LPXN: variants seen among roughly 807,000 people sequenced by gnomAD.
The protein encoded by LPXN is leupaxin.
In LPXN, 28 loss-of-function variants were observed where a neutral mutation model predicts 45.6. The ratio of observed to expected loss-of-function variants is 0.61; its 90% CI spans 0.45 to 0.84. The LOEUF is 0.84. Among genes scored for constraint, LPXN ranks in the 40% least tolerant of loss-of-function variants. The pLI is 0.00. For synonymous variants in LPXN, 166 were observed against 169.9 expected (o/e 0.98, Z 0.18); for missense variants, 459 against 475.0 (o/e 0.97, Z 0.31).
intron 4 of LPXN, 50 bp downstream of exon 4, chr11:58,554,791 C>T: frequency 2.1e-6 from 3 of 1,456,896 alleles, no homozygotes; most frequent in Non-Finnish European, 2.8e-6. Context: ...CCCTGTTTAT[C>T]ATCTGGACTG....
At chr11:58,550,993 G>A (rs953244861) in intron 5 of LPXN, 72 bp downstream of exon 5, 7 of 1,370,736 alleles carry the variant, frequency 5.1e-6, no homozygotes, top group Admixed American at 5.4e-5. Flanking sequence ...AAATATAAGG[G>A]GAAAGAGCAA....
At chr11:58,545,878 G>A (rs1387428491) in intron 7 of LPXN, among the ~76,000 whole-genome samples, 2 of 152,130 alleles carry the variant, frequency 1.3e-5, no homozygotes, top group East Asian at 1.9e-4. Context: ...TAGGTAAAAT[G>A]TTGAATAAAC....
At chr11:58,530,961 G>T (rs1328846790) in intron 7 of LPXN, among the ~76,000 whole-genome samples, 1 of 152,228 alleles carries the variant, frequency 6.6e-6, no homozygotes, top group African/African-American at 2.4e-5. Flanking sequence ...TAGCAGAGGA[G>T]CCTGACTGTT....
intron 7 of LPXN, among the ~76,000 whole-genome samples, chr11:58,538,950 A>C (rs1853634200): frequency 1.3e-5 from 2 of 152,140 alleles, no homozygotes; most frequent in Admixed American, 6.6e-5. Flanking sequence ...CTGTATCATT[A>C]TACTATATCA....
At chr11:58,576,168 T>C (rs1397794856), upstream of LPXN, among the ~76,000 whole-genome samples, 1 of 151,350 alleles carries the variant, frequency 6.6e-6, no homozygotes, top group Non-Finnish European at 1.5e-5. Context: ...TCTGAGCATC[T>C]TTCTTTTTTC....
At chr11:58,540,253 CAAAT>C (rs1853675202) in intron 7 of LPXN, among the ~76,000 whole-genome samples, 3 of 151,916 alleles carry the variant, frequency 2.0e-5, no homozygotes, top group Admixed American at 6.6e-5. Context: ...GATTCATTAA[CAAAT>C]AAATAGTATA....
intron 4 of LPXN, among the ~76,000 whole-genome samples, chr11:58,553,319 G>A (rs551094936): frequency 1.2e-3 from 151 of 126,354 alleles, no homozygotes; most frequent in African/African-American, 3.9e-3. Context: ...CTGGGTAACC[G>A]AGTAAGAATC....
At chr11:58,554,716 G>C (rs1854150740) in intron 4 of LPXN, 125 bp downstream of exon 4, 1 of 624,114 alleles carries the variant, frequency 1.6e-6, no homozygotes, top group Admixed American at 3.4e-5. Flanking sequence ...TGACAACTTA[G>C]GAAAATTCCT....
intron 7 of LPXN, among the ~76,000 whole-genome samples, chr11:58,534,695 A>T (rs923799796): frequency 6.6e-6 from 1 of 152,216 alleles, no homozygotes; most frequent in Non-Finnish European, 1.5e-5. Flanking sequence ...AAGGAGATAG[A>T]GAATGAAAAA....
At chr11:58,537,578 G>A (rs1565186875) in intron 7 of LPXN, among the ~76,000 whole-genome samples, 1 of 151,902 alleles carries the variant, frequency 6.6e-6, no homozygotes, top group Non-Finnish European at 1.5e-5. Context: ...GTTGATGGGT[G>A]CAGCAAACCA....
intron 3 of LPXN, among the ~76,000 whole-genome samples, chr11:58,560,130 T>C (rs1854329147): frequency 6.6e-6 from 1 of 152,214 alleles, no homozygotes; most frequent in African/African-American, 2.4e-5. Flanking sequence ...TTAAGTTATA[T>C]TTTTAAAACA....
rs1410842310 is a variant in LPXN, at chr11:58,528,211, A to G, written c.743-20T>C. 6.2e-7 allele frequency: 1 copy of G among 1,610,614 alleles called. No homozygotes were observed. The highest frequency in any genetic ancestry group is 2.2e-5 in the East Asian group (1 of 44,788). ...GAAAGCCTGGAGAGATAAAATCAGG[A>G]ATTCACTGTTGCAGGTTGAGCCCTG... is the stretch of plus-strand genomic sequence containing the variant. On this transcript the variant is annotated intron_variant, in intron 7 of 8. Transcript: ENST00000395074.
intron 3 of LPXN, among the ~76,000 whole-genome samples, chr11:58,558,188 A>T (rs1452233061): frequency 6.6e-6 from 1 of 151,546 alleles, no homozygotes; most frequent in African/African-American, 2.4e-5. Context: ...AGGAGGGAAG[A>T]TTTGTCTTGA....
At chr11:58,550,228 C>T (rs1375510284) in intron 5 of LPXN, 82 bp from the exon 6 acceptor site, 1 of 1,302,232 alleles carries the variant, frequency 7.7e-7, no homozygotes, top group African/African-American at 1.5e-5. Flanking sequence ...AGGGAGCACT[C>T]TTCACATTGT....
chr11:58,574,729 A>G (rs1043916774), intron 1 of LPXN, among the ~76,000 whole-genome samples: 3 of 152,132 alleles, frequency 2.0e-5, no homozygotes, highest in African/African-American at 7.2e-5. Context: ...TTTACCTCCA[A>G]AGCAGTTTGA....
chr11:58,528,175 G>C lies in LPXN; in HGVS notation c.759C>G (p.Asp253Glu), dbSNP rs200930172. The C allele has an allele frequency of 6.2e-7, 1 of 1,614,182 alleles. No homozygotes were observed. Among genetic ancestry groups the C allele is most frequent in the Non-Finnish European group, 8.5e-7 (1 of 1,180,028 alleles). The change falls in exon 8 of 9, where the codon GAC becomes GAG. Residue 253 changes from aspartate to glutamate, a missense_variant. By Grantham distance (45) the Asp-to-Glu change is conservative. Transcript: ENST00000395074. ...VFGAEGFHEK[D>E]KKPYCRKDFL... ...AATCCTTTCGGCAATATGGCTTCTT[G>C]TCCTTCTCATGAAAGCCTGGAGAGA...
chr11:58,569,252 T>C (rs1854609659), intron 2 of LPXN, among the ~76,000 whole-genome samples: 1 of 152,214 alleles, frequency 6.6e-6, no homozygotes, highest in Non-Finnish European at 1.5e-5. Context: ...CTAATTCCAT[T>C]CTCATCAAGC....
intron 2 of LPXN, among the ~76,000 whole-genome samples, chr11:58,570,194 T>C (rs1854644134): frequency 6.6e-6 from 1 of 151,690 alleles, no homozygotes; most frequent in South Asian, 2.1e-4. Flanking sequence ...TCCTAGCTAT[T>C]TGGGAGGCTG....
intron 1 of LPXN, 28 bp downstream of exon 1, chr11:58,575,732 A>C: frequency 6.2e-7 from 1 of 1,613,938 alleles, no homozygotes; most frequent in East Asian, 2.2e-5. Flanking sequence ...TCACTCCCTC[A>C]GAGTTTCTCC....
Sources: allele counts gnomAD v4.1 joint callset (sites outside exome capture counted in the v4.1 genomes callset), GRCh38; gene constraint gnomAD v4.1.1; transcripts MANE v1.5; gene names NCBI Gene and HGNC (gene_info 2026-07-23, HGNC 2026-07-21).